MAD1L1: variants seen among roughly 807,000 people sequenced by gnomAD.
MAD1L1 encodes mitotic spindle assembly checkpoint protein MAD1.
In MAD1L1, 95 loss-of-function variants were observed where a neutral mutation model predicts 96.9. That is an observed-to-expected ratio of 0.98 (90% CI 0.83 to 1.16). MAD1L1 has a LOEUF of 1.16. Among genes scored for constraint, MAD1L1 ranks in the 50% most tolerant of loss-of-function variants. MAD1L1 has a pLI of 0.00. For synonymous variants in MAD1L1, 473 were observed against 396.6 expected, an observed-to-expected ratio of 1.19 and a Z score of -2.29; for missense variants, 1,007 against 954.4, an observed-to-expected ratio of 1.06 and a Z score of -0.73.
intron 10 of MAD1L1, among the ~76,000 whole-genome samples, chr7:2,152,241 GCT>G (rs2128581838): frequency 6.6e-6 from 1 of 152,316 alleles, no homozygotes; most frequent in South Asian, 2.1e-4. Context: ...ATCCCTGCCG[GCT>G]CTCAGTCCCC....
intron 12 of MAD1L1, among the ~76,000 whole-genome samples, chr7:2,038,907 A>G (rs1249274009): frequency 6.6e-6 from 1 of 152,174 alleles, no homozygotes; most frequent in Non-Finnish European, 1.5e-5. Context: ...AGTTCCTCCC[A>G]ATAGCAACAT....
At chr7:1,962,159 A>C (rs375013040) in intron 15 of MAD1L1, among the ~76,000 whole-genome samples, 2 of 152,358 alleles carry the variant, frequency 1.3e-5, no homozygotes, top group East Asian at 3.9e-4. Flanking sequence ...GTGGGAGATA[A>C]TGAATCACAG....
chr7:1,843,195 C>T (rs143450176), intron 18 of MAD1L1, among the ~76,000 whole-genome samples: 1 of 152,304 alleles, frequency 6.6e-6, no homozygotes, highest in African/African-American at 2.4e-5. Flanking sequence ...CCTCTGAAAG[C>T]GAGCCAGGTT....
chr7:1,841,156 C>T (rs1175516820), intron 18 of MAD1L1, among the ~76,000 whole-genome samples: 1 of 152,264 alleles, frequency 6.6e-6, no homozygotes, highest in Non-Finnish European at 1.5e-5. Flanking sequence ...CTGCTGCCCA[C>T]TGCCCAAGCG....
At chr7:1,848,096 C>T in intron 18 of MAD1L1, 1 of 273,444 alleles carries the variant, frequency 3.7e-6, no homozygotes. Flanking sequence ...GATGGAGGAG[C>T]TCCTGGGGGC....
intron 11 of MAD1L1, among the ~76,000 whole-genome samples, chr7:2,144,130 C>T (rs548748167): frequency 5.6e-4 from 85 of 152,330 alleles, no homozygotes; most frequent in African/African-American, 1.9e-3. Flanking sequence ...CAGGCCTGGA[C>T]GCACGTCCTG....
At chr7:1,943,469 G>A (rs965132029) in intron 16 of MAD1L1, among the ~76,000 whole-genome samples, 12 of 152,184 alleles carry the variant, frequency 7.9e-5, no homozygotes, top group African/African-American at 2.9e-4. Flanking sequence ...GTCACAATGG[G>A]CAAGGCATCT....
chr7:2,164,643 G>A (rs1790338319), intron 10 of MAD1L1, among the ~76,000 whole-genome samples: 1 of 149,780 alleles, frequency 6.7e-6, no homozygotes, highest in South Asian at 2.1e-4. Context: ...TTTTTTGACA[G>A]TTGCACCAAA....
chr7:2,216,227 ACTTCATGTT>A lies in MAD1L1; in HGVS notation c.730_738del (p.Asn244_Lys246del). 6.2e-7 allele frequency: 1 copy of A among 1,614,114 alleles called. No homozygotes were observed. The highest frequency in any genetic ancestry group is 8.5e-7 in the Non-Finnish European group (1 of 1,180,032). ...AGCCTAGGGAGCCGTACCAGCTCAG[ACTTCATGTT>A]CTTCACAATCGCTGCATCCTGCTCT... On this transcript the variant is annotated inframe_deletion, in exon 8 of 19. Transcript: ENST00000265854.
intron 12 of MAD1L1, among the ~76,000 whole-genome samples, chr7:2,067,653 G>A (rs777228402): frequency 1.3e-5 from 2 of 152,222 alleles, no homozygotes; most frequent in Non-Finnish European, 2.9e-5. Context: ...CGCGTGCTGT[G>A]GCCTGTGGGC....
intron 11 of MAD1L1, among the ~76,000 whole-genome samples, chr7:2,128,438 C>T (rs775051745): frequency 7.2e-5 from 11 of 151,938 alleles, no homozygotes; most frequent in African/African-American, 1.9e-4. Flanking sequence ...CTCATCAGCA[C>T]GGGAGTCACA....
chr7:1,975,182 G>C (rs991879689), intron 15 of MAD1L1, among the ~76,000 whole-genome samples: 1 of 152,228 alleles, frequency 6.6e-6, no homozygotes, highest in African/African-American at 2.4e-5. Flanking sequence ...GCTCGGGGGA[G>C]GGAGAATGAG....
chr7:2,170,777 G>A (rs892429802), intron 10 of MAD1L1, among the ~76,000 whole-genome samples: 6 of 152,262 alleles, frequency 3.9e-5, no homozygotes, highest in South Asian at 2.1e-4. Flanking sequence ...GGCAAGGAGA[G>A]GAAATCACAG....
intron 18 of MAD1L1, among the ~76,000 whole-genome samples, chr7:1,892,851 G>A (rs1007797875): frequency 2.6e-5 from 4 of 152,198 alleles, no homozygotes; most frequent in African/African-American, 4.8e-5. Flanking sequence ...AGAAGCTCAC[G>A]GTTTTGCCCC....
chr7:2,212,938 G>A (rs758966731), intron 10 of MAD1L1, among the ~76,000 whole-genome samples: 3 of 152,200 alleles, frequency 2.0e-5, no homozygotes, highest in Admixed American at 6.5e-5. Context: ...GCCCCGCAAC[G>A]CAGGGCAATC....
intron 15 of MAD1L1, among the ~76,000 whole-genome samples, chr7:1,972,501 C>T (rs1356238385): frequency 6.6e-6 from 1 of 152,190 alleles, no homozygotes; most frequent in Non-Finnish European, 1.5e-5. Flanking sequence ...TTAATGGCTA[C>T]AGGGCCTGTA....
intron 18 of MAD1L1, among the ~76,000 whole-genome samples, chr7:1,821,180 A>T (rs1485547888): frequency 2.6e-5 from 4 of 152,108 alleles, no homozygotes; most frequent in African/African-American, 9.7e-5. Context: ...AACAATAAAA[A>T]ATACTACAAC....
rs1439242563 is a variant in MAD1L1, at chr7:1,968,418, C to G, written c.1506-10699G>C. The stretch of plus-strand genomic sequence containing the variant: ...TCAGGTCCACTGTCCATGCCTCAGT[C>G]CGGCGATCAGGTCCACCGTCAACGC... On this transcript the variant is annotated intron_variant, in intron 15 of 18. Coordinates refer to ENST00000265854, the MANE Select transcript of MAD1L1 (RefSeq NM_001013836.2). The surrounding 1 kb of genome is among the most constrained non-coding windows in gnomAD (Gnocchi z 5.6). 2.0e-5 allele frequency among the ~76,000 whole-genome samples: 3 copies of G among 150,622 alleles called. No individual in the cohort carries two copies. The highest frequency in any genetic ancestry group is 6.6e-5 in the Admixed American group (1 of 15,090).
intron 17 of MAD1L1, among the ~76,000 whole-genome samples, chr7:1,907,467 T>A (rs1017169801): frequency 2.0e-5 from 3 of 152,262 alleles, no homozygotes; most frequent in Non-Finnish European, 4.4e-5. Flanking sequence ...AAAAAGGGAC[T>A]AATATTTCAC....
Sources: allele counts gnomAD v4.1 joint callset (sites outside exome capture counted in the v4.1 genomes callset), GRCh38; gene constraint gnomAD v4.1.1; non-coding constraint Gnocchi (gnomAD v3.1); transcripts MANE v1.5; gene names NCBI Gene and HGNC (gene_info 2026-07-23, HGNC 2026-07-21).